Variants in KLHL32 observed in about 807,000 individuals in gnomAD.
KLHL32 encodes the protein kelch-like protein 32.
Under a neutral mutation model 64.8 loss-of-function variants are expected in KLHL32, and 35 were observed. The ratio of observed to expected loss-of-function variants is 0.54; its 90% confidence interval spans 0.41 to 0.72. KLHL32 has a LOEUF of 0.72. Among genes scored for constraint, KLHL32 ranks in the 30% least tolerant of loss-of-function variants. The pLI is 0.00. For synonymous variants in KLHL32, 259 were observed against 281.0 expected (o/e 0.92, Z 0.78); for missense variants, 589 against 768.5 (o/e 0.77, Z 2.76).
At chr6:96,928,637 G>A (rs954348100) in intron 1 of KLHL32, among the ~76,000 whole-genome samples, 1 of 152,124 alleles carries the variant, frequency 6.6e-6, no homozygotes, top group Non-Finnish European at 1.5e-5. Flanking sequence ...ATGATGATGT[G>A]TCTACATTTT....
chr6:97,085,651 C>T lies in KLHL32; in HGVS notation c.627+310C>T, dbSNP rs536085740. Among the ~76,000 whole-genome samples the T allele has an allele frequency of 2.6e-5, 4 of 152,214 alleles. No individual in the cohort carries two copies. In the East Asian group the frequency reaches 7.7e-4, roughly 29 times the overall value. On this transcript the variant is annotated intron_variant, in intron 6 of 10. Coordinates refer to ENST00000369261, the MANE Select transcript of KLHL32 (RefSeq NM_052904.4). ...GTTTTTTTCCTGATAAAAATTGTTT[C>T]TTAAACAAAATATGACAAAAAAATG... is the stretch of plus-strand genomic sequence containing the variant.
intron 4 of KLHL32, among the ~76,000 whole-genome samples, chr6:97,058,713 C>G (rs73502873): frequency 4.9e-4 from 75 of 152,250 alleles, no homozygotes; most frequent in African/African-American, 1.7e-3. Flanking sequence ...GTTCTTTGAC[C>G]TCTCCTTTCT....
intron 4 of KLHL32, among the ~76,000 whole-genome samples, chr6:97,056,842 C>T (rs1228913837): frequency 2.0e-5 from 3 of 152,110 alleles, no homozygotes; most frequent in Non-Finnish European, 4.4e-5. Flanking sequence ...AGCTCGACAC[C>T]AGGCTGGGCA....
In KLHL32 at chr6:96,976,014, C is replaced by T. The variant is rs756069672; in HGVS notation, c.41C>T (p.Thr14Ile). Residue 14 changes from threonine (T) to isoleucine (I), a missense_variant, in exon 3 of 11, where the codon ACA (threonine) becomes ATA (isoleucine). Physicochemically the swap from Thr to Ile is moderately conservative, Grantham distance 89. This residue lies in a region of KLHL32 where 191 missense variants were observed against 223.3 expected (regional missense o/e 0.86). Coordinates refer to ENST00000369261, the MANE Select transcript of KLHL32 (RefSeq NM_052904.4). Reference protein sequence around the residue: ...ERCLSIQEMLTGQRLCHSESH... With the variant: ...ERCLSIQEMLIGQRLCHSESH... Reference sequence around the variant, plus strand: ...CTTTGTAGTATTCAAGAAATGCTGACAGGCCAGAGGCTCTGCCACTCCGAA... The same window carrying T: ...CTTTGTAGTATTCAAGAAATGCTGATAGGCCAGAGGCTCTGCCACTCCGAA... 1.9e-6 allele frequency: 3 copies of T among 1,580,946 alleles called. No homozygotes were observed. The highest frequency in any genetic ancestry group is 2.6e-6 in the Non-Finnish European group (3 of 1,157,502).
intron 10 of KLHL32, among the ~76,000 whole-genome samples, chr6:97,137,152 C>A (rs1416253728): frequency 6.6e-6 from 1 of 152,134 alleles, no homozygotes; most frequent in Non-Finnish European, 1.5e-5. Flanking sequence ...TCCCTTTTCT[C>A]ATGGGGCGAA....
In KLHL32 at chr6:97,135,259, G is replaced by A. The variant is rs370806644; in HGVS notation, c.1701+2512G>A. Among the ~76,000 whole-genome samples the A allele has an allele frequency of 3.3e-5, 5 of 151,334 alleles. No individual in the cohort carries two copies. In the East Asian group the frequency reaches 7.7e-4, roughly 23 times the overall value. On this transcript the variant is annotated intron_variant, in intron 10 of 10. Transcript: ENST00000369261. Reference sequence around the variant, plus strand: ...GGCAAATACTGCGTTTATTCCTTTGGCTGGCACACTGGTCCTACAAAGCAC... The same window carrying A: ...GGCAAATACTGCGTTTATTCCTTTGACTGGCACACTGGTCCTACAAAGCAC...
intron 3 of KLHL32, among the ~76,000 whole-genome samples, chr6:97,027,936 T>C (rs1301429442): frequency 2.0e-5 from 3 of 152,202 alleles, no homozygotes; most frequent in Admixed American, 2.0e-4. Flanking sequence ...GTGAACTCAT[T>C]GACCTTCTCC....
the KLHL32 span, among the ~76,000 whole-genome samples, chr6:96,900,435 T>A: frequency 6.6e-6 from 1 of 152,222 alleles, no homozygotes; most frequent in East Asian, 1.9e-4. Flanking sequence ...ATTTAATTTT[T>A]AAAAAATAAA....
intron 5 of KLHL32, among the ~76,000 whole-genome samples, chr6:97,067,095 C>T (rs1582908056): frequency 6.6e-6 from 1 of 152,182 alleles, no homozygotes; most frequent in African/African-American, 2.4e-5. Flanking sequence ...GAAGGGCAGA[C>T]CGGCTCAAAT....
the KLHL32 span, among the ~76,000 whole-genome samples, chr6:96,910,765 A>T: frequency 1.3e-5 from 2 of 152,200 alleles, no homozygotes; most frequent in African/African-American, 4.8e-5. Context: ...TATGATTTTA[A>T]TCTGGATTAC....
In KLHL32 at chr6:96,948,305, C is replaced by T. The variant is rs185570492; in HGVS notation, c.-65-18691C>T. 2.0e-5 allele frequency among the ~76,000 whole-genome samples: 3 copies of T among 152,214 alleles called. No homozygotes were observed. The East Asian group carries it at 5.8e-4, about 29-fold the overall frequency. On this transcript the variant is annotated intron_variant, in intron 1 of 10. Transcript: ENST00000369261. Reference sequence around the variant, plus strand: ...AAGTTATTTCACCTTGTACGTCAAACTTGAGGTTGGTTCATATCCTCTGCT... The same window carrying T: ...AAGTTATTTCACCTTGTACGTCAAATTTGAGGTTGGTTCATATCCTCTGCT...
At chr6:97,002,838 G>A (rs4839891) in intron 3 of KLHL32, among the ~76,000 whole-genome samples, 37,294 of 152,048 alleles carry the variant, frequency 0.25, 5,916 homozygotes, top group East Asian at 0.53. Flanking sequence ...AAAAAGAATA[G>A]TACATATGTA....
chr6:96,920,474 G>A (rs1490538490), upstream of KLHL32, among the ~76,000 whole-genome samples: 2 of 152,072 alleles, frequency 1.3e-5, no homozygotes, highest in Non-Finnish European at 2.9e-5. Context: ...AGGTGACATG[G>A]AAGGTCCAGC....
chr6:97,079,473 G>A (rs1256047903), intron 5 of KLHL32, among the ~76,000 whole-genome samples: 1 of 152,138 alleles, frequency 6.6e-6, no homozygotes, highest in East Asian at 1.9e-4. Flanking sequence ...AACAATATTT[G>A]CCTTTCCCAT....
At chr6:96,977,169 A>C (rs554984445) in intron 3 of KLHL32, among the ~76,000 whole-genome samples, 1 of 152,230 alleles carries the variant, frequency 6.6e-6, no homozygotes, top group African/African-American at 2.4e-5. Context: ...TTTTATATGC[A>C]TATCTCATTT....
Position 97,139,245 on chromosome 6 carries a change from C to G in KLHL32, c.1826C>G (p.Thr609Ser), listed in dbSNP as rs771070561. ...APYFTCPNLQ[T>S]LQVPHHRIGT... ...TATTTTACATGCCCTAACCTTCAAA[C>G]TCTTCAAGTGCCTCATCACAGGATT... The change falls in exon 11 of 11, where the codon ACT becomes AGT. Residue 609 changes from threonine (T) to serine (S), a missense_variant. Physicochemically the swap from Thr to Ser is moderately conservative, Grantham distance 58. This residue lies in a region of KLHL32 where 172 missense variants were observed against 192.0 expected (regional missense o/e 0.90). Coordinates refer to ENST00000369261, the MANE Select transcript of KLHL32 (RefSeq NM_052904.4). The G allele has an allele frequency of 1.3e-5, 21 of 1,613,954 alleles. No homozygotes were observed.
At chr6:97,077,096 G>C (rs1304313834) in intron 5 of KLHL32, among the ~76,000 whole-genome samples, 1 of 152,148 alleles carries the variant, frequency 6.6e-6, no homozygotes, top group Non-Finnish European at 1.5e-5. Context: ...GCTGGAGAGA[G>C]AAGAGTCAAA....
At chr6:97,045,503 C>T (rs1183849940) in intron 4 of KLHL32, among the ~76,000 whole-genome samples, 2 of 152,154 alleles carry the variant, frequency 1.3e-5, no homozygotes, top group East Asian at 3.9e-4. Context: ...GTAAAACTAC[C>T]CAAGTAAATA....
At chr6:97,128,725 C>G (rs1799128777) in intron 8 of KLHL32, among the ~76,000 whole-genome samples, 1 of 152,226 alleles carries the variant, frequency 6.6e-6, no homozygotes, top group Non-Finnish European at 1.5e-5. Context: ...TATTCACATG[C>G]TAGCTTATTA....
Sources: allele counts gnomAD v4.1 joint callset (sites outside exome capture counted in the v4.1 genomes callset), GRCh38; gene constraint gnomAD v4.1.1; regional missense constraint gnomAD v4.1.1; transcripts MANE v1.5; gene names NCBI Gene and HGNC (gene_info 2026-07-23, HGNC 2026-07-21).